Variants in LATS2 observed in about 807,000 individuals in gnomAD.
LATS2 encodes the protein serine/threonine-protein kinase LATS2.
Under a neutral mutation model 76.0 loss-of-function variants are expected in LATS2, and 24 were observed. That is an observed-to-expected ratio of 0.32 (90% CI 0.23 to 0.44). LATS2 has a LOEUF of 0.44. LATS2 is among the 20% of genes least tolerant of loss of function. The pLI, the probability that LATS2 is intolerant of heterozygous loss-of-function variation, is 1.00. For missense variants in LATS2, 1,286 were observed against 1,481.2 expected, an observed-to-expected ratio of 0.87 and a Z score of 2.16; for synonymous variants, 692 against 635.4, an observed-to-expected ratio of 1.09 and a Z score of -1.34.
chr13:21,016,259 T>C (rs1871794709), intron 2 of LATS2, among the ~76,000 whole-genome samples: 1 of 151,910 alleles, frequency 6.6e-6, no homozygotes, highest in Non-Finnish European at 1.5e-5. Context: ...AGTGCTGGGA[T>C]TACAGGCATG....
chr13:21,024,579 CCTCACGGATGACAT>C lies in LATS2; in HGVS notation c.342+21092_342+21105del, dbSNP rs142193763. 7.2e-3 allele frequency among the ~76,000 whole-genome samples: 1,097 copies of C among 151,932 alleles called. 18 individuals carry two copies. The highest frequency in any genetic ancestry group is 0.025 in the African/African-American group (1,023 of 41,444). ...CTGCGGGAGCTCTTCCTGCATAGCG[CCTCACGGATGACAT>C]CTCACTTTGACGGTCATCACTGACC... On this transcript the variant is annotated intron_variant, in intron 2 of 7. Coordinates refer to ENST00000382592, the MANE Select transcript of LATS2 (RefSeq NM_014572.3).
At chr13:21,007,621 A>ATAGT (rs1871353811) in intron 2 of LATS2, among the ~76,000 whole-genome samples, 1 of 608 alleles carries the variant, frequency 1.6e-3, no homozygotes, top group African/African-American at 3.7e-3. Flanking sequence ...ATATATATAT[A>ATAGT]GTGTATATAT....
intron 2 of LATS2, among the ~76,000 whole-genome samples, chr13:21,000,090 TATAAAG>T (rs1427375820): frequency 1.3e-5 from 2 of 151,766 alleles, no homozygotes; most frequent in Non-Finnish European, 2.9e-5. Context: ...AATAAAAAAT[TATAAAG>T]ATAGGCCGGG....
At chr13:21,046,672 C>G (rs527421271) in intron 1 of LATS2, among the ~76,000 whole-genome samples, 3 of 152,312 alleles carry the variant, frequency 2.0e-5, no homozygotes, top group East Asian at 1.9e-4. Context: ...CCTCTCCCCC[C>G]TCACATGAGA....
intron 2 of LATS2, among the ~76,000 whole-genome samples, chr13:21,021,474 C>CA (rs58976562): frequency 0.4 from 19,099 of 48,120 alleles, 8,176 homozygotes; most frequent in Non-Finnish European, 0.65. Context: ...GACTCTGTCT[C>CA]AAAAAAAAAA....
chr13:20,988,167 G>C lies in LATS2; in HGVS notation c.1613C>G (p.Ala538Gly). 6.2e-7 allele frequency: 1 copy of C among 1,613,916 alleles called. No individual in the cohort carries two copies. The highest frequency in any genetic ancestry group is 1.1e-5 in the South Asian group (1 of 91,066). Residue 538 changes from alanine to glycine, a missense_variant, in exon 4 of 8, where the codon GCA becomes GGA. By Grantham distance (60) the Ala-to-Gly change is moderately conservative (BLOSUM62 0). Around this residue, in one of 5 missense-constraint regions of LATS2, gnomAD observed 710 missense variants for 660.9 expected, o/e 1.07. Coordinates refer to ENST00000382592, the MANE Select transcript of LATS2 (RefSeq NM_014572.3). ...CGCACGGAGGCTCTGCTCCATGCCT[G>C]CGCACAGGCTGTCCAGGTCGTACTG... is the stretch of plus-strand genomic sequence containing the variant. Reference protein sequence around the residue: ...SEQYDLDSLCAGMEQSLRAGP... With the variant: ...SEQYDLDSLCGGMEQSLRAGP...
rs35074574 is a variant in LATS2, at chr13:20,990,461, A to ATTTTTTTTTTT, written c.475+800_475+810dup. On this transcript the variant is annotated intron_variant, in intron 3 of 7. Coordinates refer to ENST00000382592, the MANE Select transcript of LATS2 (RefSeq NM_014572.3). ...GGGAAAACTCTTGCTAATTACTAGG[A>ATTTTTTTTTTT]TTTTTTTTTTTTTTTTTTTTTTTTT... 6.2e-4 allele frequency among the ~76,000 whole-genome samples: 59 copies of ATTTTTTTTTTT among 94,514 alleles called. 10 individuals are homozygous for ATTTTTTTTTTT. Among genetic ancestry groups the ATTTTTTTTTTT allele is most frequent in the Middle Eastern group, 8.6e-3 (1 of 116 alleles). 62.0% of individuals were successfully genotyped at this position (94,514 alleles called of 152,430 possible).
intron 7 of LATS2, 49 bp downstream of exon 7, chr13:20,979,642 G>T: frequency 9.8e-7 from 1 of 1,022,756 alleles, no homozygotes; most frequent in Non-Finnish European, 1.5e-6. Flanking sequence ...GGGTACATGA[G>T]CAAATCAGAT....
intron 2 of LATS2, among the ~76,000 whole-genome samples, chr13:21,031,027 C>A (rs1302830882): frequency 6.6e-6 from 1 of 152,164 alleles, no homozygotes; most frequent in African/African-American, 2.4e-5. Flanking sequence ...CACTTTGTGT[C>A]ATTTCAATAT....
chr13:20,990,830 A>G (rs935088031), intron 3 of LATS2, among the ~76,000 whole-genome samples: 3 of 152,208 alleles, frequency 2.0e-5, no homozygotes, highest in Non-Finnish European at 4.4e-5. Context: ...ACTGCCTGCC[A>G]TTGAACCCCC....
At chr13:21,059,388 G>C (rs969499741) in intron 1 of LATS2, among the ~76,000 whole-genome samples, 9 of 150,570 alleles carry the variant, frequency 6.0e-5, no homozygotes, top group African/African-American at 1.7e-4. Context: ...ACAAGGTCAG[G>C]AGATTGAGAC....
Position 20,989,047 on chromosome 13 carries a change from G to C in LATS2, c.733C>G (p.His245Asp), listed in dbSNP as rs1870374960. The change falls in exon 4 of 8, where the codon CAC becomes GAC. Residue 245 changes from histidine to aspartate, a missense_variant. His to Asp is a moderately conservative substitution (Grantham distance 81). This residue lies in a region of LATS2 where 710 missense variants were observed against 660.9 expected (regional missense o/e 1.07). Transcript: ENST00000382592. ...TAGTGCGCGCCCTGCAGCGGGAAGTGTGCCCCTGCTGCCTCTACGCTGGCA... is the reference window on the plus strand; with the variant it reads ...TAGTGCGCGCCCTGCAGCGGGAAGTCTGCCCCTGCTGCCTCTACGCTGGCA... ...YGASVEAAGA[H>D]FPLQGAHYGR... 6.4e-7 allele frequency: 1 copy of C among 1,573,154 alleles called. No individual in the cohort carries two copies. Among genetic ancestry groups the C allele is most frequent in the Admixed American group, 1.8e-5 (1 of 54,738 alleles).
At chr13:21,005,681 G>A (rs1463426701) in intron 2 of LATS2, 1 of 152,184 alleles carries the variant, frequency 6.6e-6, no homozygotes, top group Non-Finnish European at 1.5e-5. Flanking sequence ...AGGAAAACCT[G>A]TAATCCCAGT....
At chr13:20,992,938 G>C (rs1870569920) in intron 2 of LATS2, among the ~76,000 whole-genome samples, 1 of 151,574 alleles carries the variant, frequency 6.6e-6, no homozygotes, top group South Asian at 2.1e-4. Context: ...AGGAGGCTGA[G>C]GCAGGTGAAT....
At position 20,977,503 on chromosome 13, in the gene LATS2, G is replaced by A. The variant is rs559251927; in HGVS notation, c.2773-2139C>T. 9.2e-5 allele frequency among the ~76,000 whole-genome samples: 14 copies of A among 151,938 alleles called. No homozygotes were observed. The East Asian group carries it at 2.5e-3, about 27-fold the overall frequency. On this transcript the variant is annotated intron_variant, in intron 7 of 7. Transcript: ENST00000382592. ...AGTTTCTGTTTAATGGGTTTGGGACGATTAACACATTTGAAAATAGAGGGT... is the reference window on the plus strand; with the variant it reads ...AGTTTCTGTTTAATGGGTTTGGGACAATTAACACATTTGAAAATAGAGGGT...
Position 20,988,761 on chromosome 13 carries a change from C to T in LATS2, c.1019G>A (p.Ser340Asn). The T allele has an allele frequency of 1.3e-6, 2 of 1,581,288 alleles. No individual in the cohort carries two copies. The highest frequency in any genetic ancestry group is 1.7e-6 in the Non-Finnish European group (2 of 1,170,660). ...VLGSRSQVFA[S>N]DSPPQSLLTP... Reference sequence around the variant, plus strand: ...GAGCAGGCTCTGCGGGGGGCTGTCGCTGGCGAACACCTGGCTGCGGGAGCC... The same window carrying T: ...GAGCAGGCTCTGCGGGGGGCTGTCGTTGGCGAACACCTGGCTGCGGGAGCC... Residue 340 changes from serine (S) to asparagine (N), a missense_variant, in exon 4 of 8, where the codon AGC (serine) becomes AAC (asparagine). By Grantham distance (46) the Ser-to-Asn change is conservative. This residue lies in a region of LATS2 where 710 missense variants were observed against 660.9 expected (regional missense o/e 1.07). Coordinates refer to ENST00000382592, the MANE Select transcript of LATS2 (RefSeq NM_014572.3).
intron 2 of LATS2, among the ~76,000 whole-genome samples, chr13:21,044,662 C>A (rs550492088): frequency 7.4e-5 from 11 of 149,500 alleles, no homozygotes; most frequent in East Asian, 5.9e-4. Context: ...GCTAAGAGAT[C>A]ATAAATGTAT....
At chr13:20,997,205 A>C (rs1467241439) in intron 2 of LATS2, among the ~76,000 whole-genome samples, 2 of 152,256 alleles carry the variant, frequency 1.3e-5, no homozygotes, top group African/African-American at 4.8e-5. Context: ...CAGCTCTTGT[A>C]AAACTCCACT....
intron 2 of LATS2, among the ~76,000 whole-genome samples, chr13:21,042,760 G>A (rs1872924506): frequency 2.0e-5 from 3 of 147,778 alleles, no homozygotes; most frequent in Admixed American, 2.0e-4. Flanking sequence ...AGGCCTAAGA[G>A]GGCGGATCAC....
Sources: gnomAD v4.1 joint callset for allele counts (sites outside exome capture counted in the v4.1 genomes callset) on GRCh38, gnomAD v4.1.1 for gene constraint, gnomAD v4.1.1 regional missense constraint, MANE v1.5 for transcripts, NCBI Gene and HGNC (gene_info 2026-07-23, HGNC 2026-07-21) for gene names.